PHF14: variants seen among roughly 807,000 people sequenced by gnomAD.
The protein encoded by PHF14 is PHD finger protein 14.
In PHF14, 55 loss-of-function variants were observed where a neutral mutation model predicts 117.9. The observed-to-expected ratio is 0.47, with a 90% confidence interval of 0.38 to 0.58. PHF14 has a LOEUF of 0.58. Among genes scored for constraint, PHF14 ranks in the 20% least tolerant of loss-of-function variants. The probability of loss-of-function intolerance (pLI) is 0.00; values close to 1 mark genes in which losing one functional copy is unlikely to be tolerated. For synonymous variants in PHF14, 409 were observed against 368.6 expected, an observed-to-expected ratio of 1.11 and a Z score of -1.26; for missense variants, 978 against 1,122.2, an observed-to-expected ratio of 0.87 and a Z score of 1.84.
chr7:11,027,934 A>T (rs1040142283), intron 6 of PHF14, among the ~76,000 whole-genome samples: 5 of 152,052 alleles, frequency 3.3e-5, no homozygotes, highest in African/African-American at 9.7e-5. Context: ...TCTTTACTTT[A>T]ATTTCCTCAT....
intron 5 of PHF14, among the ~76,000 whole-genome samples, chr7:11,021,802 A>G (rs776962309): frequency 2.6e-5 from 4 of 152,148 alleles, no homozygotes; most frequent in Non-Finnish European, 5.9e-5. Flanking sequence ...TAAAAAAGAT[A>G]ATTTTTTAAA....
intron 4 of PHF14, among the ~76,000 whole-genome samples, chr7:11,002,765 C>G (rs1464526393): frequency 1.3e-5 from 2 of 151,696 alleles, no homozygotes; most frequent in Non-Finnish European, 2.9e-5. Flanking sequence ...CTTCTTAATC[C>G]TCTTAATAAT....
intron 13 of PHF14, among the ~76,000 whole-genome samples, chr7:11,046,724 C>A (rs1310033484): frequency 6.6e-6 from 1 of 152,034 alleles, no homozygotes; most frequent in Non-Finnish European, 1.5e-5. Context: ...AAGAGATACC[C>A]ATAATGCAGA....
intron 16 of PHF14, among the ~76,000 whole-genome samples, chr7:11,078,349 G>C (rs1179112664): frequency 6.6e-6 from 1 of 151,852 alleles, no homozygotes; most frequent in Non-Finnish European, 1.5e-5. Context: ...TTGAAAATTC[G>C]GTCAATAACT....
chr7:11,105,252 G>A (rs926799598), intron 16 of PHF14: 12 of 956,422 alleles, frequency 1.3e-5, no homozygotes, highest in African/African-American at 7.1e-5. Context: ...ATTGTCATTC[G>A]TTGTTGCTTA....
intron 13 of PHF14, among the ~76,000 whole-genome samples, chr7:11,045,728 G>T (rs1784641742): frequency 6.6e-6 from 1 of 152,120 alleles, no homozygotes; most frequent in Non-Finnish European, 1.5e-5. Context: ...AGTAATTATT[G>T]GTGGAAGGTA....
intron 16 of PHF14, chr7:11,063,175 G>A: frequency 6.2e-6 from 6 of 974,644 alleles, no homozygotes; most frequent in Non-Finnish European, 7.3e-6. Context: ...AAAAGACAAA[G>A]TCCTTCAACA....
chr7:11,084,192 C>G (rs534850416), intron 16 of PHF14, among the ~76,000 whole-genome samples: 31 of 152,170 alleles, frequency 2.0e-4, no homozygotes, highest in Non-Finnish European at 3.5e-4. Context: ...ACTTAAACTT[C>G]AAAATATGTA....
chr7:11,069,792 G>T (rs144566721), intron 16 of PHF14, among the ~76,000 whole-genome samples: 39 of 150,716 alleles, frequency 2.6e-4, no homozygotes, highest in African/African-American at 9.5e-4. Flanking sequence ...TGAGTAGCTG[G>T]AATTACCACC....
chr7:11,127,270 A>G (rs1787953933), intron 17 of PHF14, among the ~76,000 whole-genome samples: 1 of 144,296 alleles, frequency 6.9e-6, no homozygotes, highest in Non-Finnish European at 1.5e-5. Flanking sequence ...TCATTGCTAG[A>G]GCTTTTCTAT....
chr7:11,017,460 G>T (rs747832896), intron 5 of PHF14, among the ~76,000 whole-genome samples: 2 of 152,102 alleles, frequency 1.3e-5, no homozygotes, highest in Non-Finnish European at 2.9e-5. Context: ...GATATTTCAT[G>T]ATAGTTTTGA....
chr7:11,003,623 C>G (rs935423735), intron 4 of PHF14, among the ~76,000 whole-genome samples: 1 of 152,154 alleles, frequency 6.6e-6, no homozygotes, highest in Admixed American at 6.5e-5. Flanking sequence ...TTTACCAAGT[C>G]CATCCTTCTG....
intron 17 of PHF14, among the ~76,000 whole-genome samples, chr7:11,122,440 T>C (rs560656824): frequency 1.3e-4 from 16 of 124,696 alleles, no homozygotes; most frequent in Middle Eastern, 3.8e-3. Context: ...TATATATATA[T>C]ACGTATATAT....
chr7:10,988,283 G>A (rs1044597510), intron 3 of PHF14, among the ~76,000 whole-genome samples: 4 of 152,104 alleles, frequency 2.6e-5, no homozygotes, highest in African/African-American at 7.2e-5. Flanking sequence ...AGAAATTGGC[G>A]TAGAGATATG....
intron 17 of PHF14, among the ~76,000 whole-genome samples, chr7:11,153,799 A>G (rs1434908288): frequency 6.6e-6 from 1 of 152,168 alleles, no homozygotes; most frequent in Non-Finnish European, 1.5e-5. Flanking sequence ...ATTAAAGAAG[A>G]CTTTGTTTTC....
In PHF14 at chr7:11,134,917, A is replaced by G. The variant is rs564575944; in HGVS notation, c.2772+23450A>G. ...TTATCAAAAGACTGAATGCATTCTT[A>G]TGTGTGTGTAATATGAATACTTGCA... is the stretch of plus-strand genomic sequence containing the variant. On this transcript the variant is annotated intron_variant, in intron 17 of 17. Transcript: ENST00000634607. Among the ~76,000 whole-genome samples the G allele has an allele frequency of 9.9e-5, 15 of 152,244 alleles. No homozygotes were observed. In the South Asian group the frequency reaches 2.7e-3, roughly 27 times the overall value.
At chr7:11,106,936 G>A (rs764882794) in intron 16 of PHF14, 74 of 983,894 alleles carry the variant, frequency 7.5e-5, no homozygotes, top group Non-Finnish European at 8.6e-5. Context: ...AAAAGATAAT[G>A]TGATTATCAC....
chr7:10,999,425 T>C (rs1049240375), intron 4 of PHF14, among the ~76,000 whole-genome samples: 1 of 152,212 alleles, frequency 6.6e-6, no homozygotes, highest in Non-Finnish European at 1.5e-5. Context: ...TCTATAATAG[T>C]AAAGCAACTC....
intron 2 of PHF14, among the ~76,000 whole-genome samples, chr7:10,979,553 CTTT>C (rs202055293): frequency 6.1e-5 from 8 of 131,796 alleles, no homozygotes; most frequent in Admixed American, 2.3e-4. Context: ...CTTTCTCTCT[CTTT>C]TTTTTTTTTT....
Sources: allele counts gnomAD v4.1 joint callset (sites outside exome capture counted in the v4.1 genomes callset), GRCh38; gene constraint gnomAD v4.1.1; transcripts MANE v1.5; gene names NCBI Gene and HGNC (gene_info 2026-07-23, HGNC 2026-07-21).